The following NDRG2 variants were observed in gnomAD, a reference collection of about 807,000 sequenced individuals.
NDRG2 encodes the protein protein NDRG2.
A neutral mutation model predicts 58.2 loss-of-function variants in NDRG2; 34 were observed. The observed-to-expected ratio is 0.58, with a 90% CI of 0.44 to 0.78. The LOEUF (loss-of-function observed/expected upper bound fraction) is 0.78, where lower values mean the gene tolerates loss of function less well. Ranked by LOEUF, NDRG2 falls within the 30% of genes least tolerant of loss-of-function variation. The pLI is 0.00. For missense variants in NDRG2, 434 were observed against 471.2 expected (o/e 0.92, Z 0.73); for synonymous variants, 187 against 175.9 (o/e 1.06, Z -0.50).
intron 1 of NDRG2, chr14:21,031,371 AT>A (rs1333760123): frequency 1.8e-6 from 1 of 567,480 alleles, no homozygotes; most frequent in Non-Finnish European, 2.9e-6. Context: ...TTAATAGTAG[AT>A]TTAGACTAAT....
At chr14:21,058,181 C>T (rs151264801) in intron 1 of NDRG2, 8 of 1,614,016 alleles carry the variant, frequency 5.0e-6, no homozygotes, top group Non-Finnish European at 6.8e-6. Context: ...TAAAAACTGC[C>T]ACCAGAGCCA....
Position 21,019,714 on chromosome 14 carries a change from A to G in NDRG2, c.641T>C (p.Ile214Thr), listed in dbSNP as rs374852149. Reference protein sequence around the residue: ...QEELSGNSELIQKYRNIITHA... With the variant: ...QEELSGNSELTQKYRNIITHA... ...TGTAATGATATTTCTGTACTTTTGT[A>G]TCAACTCAGAATTTCCAGAGAGCTC... The change falls in exon 10 of 16, where the codon ATA becomes ACA. Residue 214 changes from isoleucine to threonine, a missense_variant. By Grantham distance (89) the Ile-to-Thr change is moderately conservative. Transcript: ENST00000556147. The G allele has an allele frequency of 2.2e-5, 36 of 1,613,506 alleles. No individual in the cohort carries two copies. Among genetic ancestry groups the G allele is most frequent in the Non-Finnish European group, 6.8e-6 (8 of 1,179,536 alleles).
At position 21,070,448 on chromosome 14, in the gene NDRG2, C is replaced by T; in HGVS notation, c.24+380G>A. The T allele has an allele frequency of 7.3e-7, 1 of 1,360,654 alleles. No homozygotes were observed. Among genetic ancestry groups the T allele is most frequent in the Non-Finnish European group, 9.4e-7 (1 of 1,063,370 alleles). 84.3% of individuals were successfully genotyped at this position (1,360,654 alleles called of 1,614,324 possible). A position where few individuals can be genotyped will look rare whatever the true frequency, so the allele number is the denominator to read the frequency against. ...TGGGTCCCCTCGGCCTTCGCGCAGC[C>T]CGCTCCGGGCCCCCAAGTCCTCAGC... On this transcript the variant is annotated intron_variant, in intron 1 of 14. Coordinates refer to the NDRG2 transcript ENST00000403829. The surrounding 1 kb of genome is among the most constrained non-coding windows in gnomAD (Gnocchi z 4.7).
chr14:21,025,424 C>G (rs1883392926), upstream of NDRG2: 1 of 985,566 alleles, frequency 1.0e-6, no homozygotes, highest in African/African-American at 1.7e-5. The surrounding 1 kb of genome is among the most constrained non-coding windows in gnomAD (Gnocchi z 5.1). Flanking sequence ...TGGCTCCTTC[C>G]TTCGCCCCCA....
intron 1 of NDRG2, chr14:21,042,923 T>A (rs974536933): frequency 2.8e-5 from 38 of 1,360,196 alleles, no homozygotes; most frequent in Non-Finnish European, 3.8e-5. Context: ...ATAAGAGGAC[T>A]AATTTCTCAA....
chr14:21,018,863 C>T lies in NDRG2; in HGVS notation c.762-49G>A, dbSNP rs1277898021. 3.1e-6 allele frequency: 5 copies of T among 1,609,574 alleles called. No individual in the cohort carries two copies. The Admixed American group carries it at 8.3e-5, about 27-fold the overall frequency. On this transcript the variant is annotated intron_variant, in intron 11 of 15. Transcript: ENST00000556147. Reference sequence around the variant, plus strand: ...AGGCAGTGAGCCCCTGGCACTCCCTCACTGGCCTCTGCCTAGGAGTGCAGC... The same window carrying T: ...AGGCAGTGAGCCCCTGGCACTCCCTTACTGGCCTCTGCCTAGGAGTGCAGC...
chr14:21,070,598 T>G lies in NDRG2; in HGVS notation c.24+230A>C, dbSNP rs1326818526. ...GCTCTGTCCCCACCGGGTATTGCCC[T>G]CACCCTTTCTTCCTCCTCTCCTCCG... On this transcript the variant is annotated intron_variant, in intron 1 of 14. Coordinates refer to the NDRG2 transcript ENST00000403829. This position sits in a 1 kb window ranked among gnomAD's most constrained non-coding sequence, Gnocchi z 4.7. 1.3e-5 allele frequency among the ~76,000 whole-genome samples: 2 copies of G among 151,588 alleles called. No individual in the cohort carries two copies. Among genetic ancestry groups the G allele is most frequent in the Non-Finnish European group, 2.9e-5 (2 of 67,934 alleles).
At chr14:21,046,746 C>T (rs369764417) in intron 1 of NDRG2, 6 of 151,928 alleles carry the variant, frequency 3.9e-5, no homozygotes, top group African/African-American at 1.5e-4. Context: ...ATAACATAAA[C>T]GTTCAGTTAA....
chr14:21,022,995 G>A, intron 2 of NDRG2, 90 bp from the exon 3 acceptor site: 1 of 1,435,300 alleles, frequency 7.0e-7, no homozygotes. Flanking sequence ...GGCAAGTAAA[G>A]ACAGACCAAC....
upstream of NDRG2, chr14:21,025,532 G>C: frequency 1.0e-6 from 1 of 985,464 alleles, no homozygotes; most frequent in South Asian, 4.7e-5. This position sits in a 1 kb window ranked among gnomAD's most constrained non-coding sequence, Gnocchi z 5.1. Context: ...ACTAGATTAA[G>C]AAAGGAGGAG....
upstream of NDRG2, among the ~76,000 whole-genome samples, chr14:21,027,959 A>G (rs547544386): frequency 1.1e-4 from 17 of 152,336 alleles, no homozygotes; most frequent in South Asian, 3.5e-3. Context: ...GGAGAACTGA[A>G]TAGTAGCTTC....
rs370622228 is a variant in NDRG2 at position 21,022,922 on chromosome 14, G to A, written c.76-17C>T. On this transcript the variant is annotated splice_polypyrimidine_tract_variant and intron_variant, in intron 2 of 15. Transcript: ENST00000556147. ...CTCAGCCTCCTGGAGAGACACACACGGATTCACACAGAAACACATGACCAT... is the reference window on the plus strand; with the variant it reads ...CTCAGCCTCCTGGAGAGACACACACAGATTCACACAGAAACACATGACCAT... 68 of 1,613,848 alleles carry A rather than the reference G, an allele frequency of 4.2e-5. No individual in the cohort carries two copies. The highest frequency in any genetic ancestry group is 1.5e-4 in the Admixed American group (9 of 60,000).
At chr14:21,043,347 T>G (rs2037253700) in intron 1 of NDRG2, 1 of 1,614,068 alleles carries the variant, frequency 6.2e-7, no homozygotes, top group African/African-American at 1.3e-5. Flanking sequence ...GCATCCGAAC[T>G]GCAGGTACAA....
rs553925771 is a variant in NDRG2 at position 21,040,004 on chromosome 14, G to C, written c.25-16683C>G. 2.0e-5 allele frequency among the ~76,000 whole-genome samples: 3 copies of C among 152,306 alleles called. No individual in the cohort carries two copies. In the East Asian group the frequency reaches 5.8e-4, roughly 29 times the overall value. Reference sequence around the variant, plus strand: ...AAATGAGCTTGCAGCCTTCCATCCAGCCTCCACTCCAAAGGCTAGACTGGC... The same window carrying C: ...AAATGAGCTTGCAGCCTTCCATCCACCCTCCACTCCAAAGGCTAGACTGGC... On this transcript the variant is annotated intron_variant, in intron 1 of 14. Coordinates refer to the NDRG2 transcript ENST00000403829.
At chr14:21,046,857 A>C (rs570517874) in intron 1 of NDRG2, 63 of 152,348 alleles carry the variant, frequency 4.1e-4, no homozygotes, top group African/African-American at 1.3e-3. Context: ...GGAAGAAAAA[A>C]ATATTTACTA....
At chr14:21,057,163 G>T (rs533894475) in intron 1 of NDRG2, among the ~76,000 whole-genome samples, 4 of 152,126 alleles carry the variant, frequency 2.6e-5, no homozygotes, top group Admixed American at 2.0e-4. Context: ...AACCGGGCGC[G>T]GTGGCTCACG....
At chr14:21,060,257 T>A (rs192219377) in intron 1 of NDRG2, among the ~76,000 whole-genome samples, 297 of 152,274 alleles carry the variant, frequency 2.0e-3, no homozygotes, top group African/African-American at 6.8e-3. Context: ...TAGAACTCAA[T>A]GCAGCCTCTC....
Position 21,034,530 on chromosome 14 carries a change from G to A in NDRG2, c.25-11209C>T, listed in dbSNP as rs569802266. 36 of 505,414 alleles carry A rather than the reference G, an allele frequency of 7.1e-5. No individual in the cohort carries two copies. The South Asian group carries it at 8.8e-4, about 12-fold the overall frequency. The allele number at this position is 505,414 out of a possible 1,614,324, so 31.3% of individuals were successfully genotyped here. On this transcript the variant is annotated intron_variant, in intron 1 of 14. Coordinates refer to the NDRG2 transcript ENST00000403829. Reference sequence around the variant, plus strand: ...CAGAATCTCAGCCTCTGCAGAGTCCGTGAGCTACATTTGCAGAATAAGAGC... The same window carrying A: ...CAGAATCTCAGCCTCTGCAGAGTCCATGAGCTACATTTGCAGAATAAGAGC...
intron 1 of NDRG2, chr14:21,036,072 T>A (rs548769625): frequency 2.5e-6 from 1 of 395,696 alleles, no homozygotes; most frequent in Non-Finnish European, 5.0e-6. Flanking sequence ...CAAGAGTTTT[T>A]AGACCAGTGC....
Sources: gnomAD v4.1 joint callset for allele counts (sites outside exome capture counted in the v4.1 genomes callset) on GRCh38, gnomAD v4.1.1 for gene constraint, Gnocchi (gnomAD v3.1) non-coding constraint, MANE v1.5 for transcripts, NCBI Gene and HGNC (gene_info 2026-07-23, HGNC 2026-07-21) for gene names.